MED12L: variants seen among roughly 807,000 people sequenced by gnomAD.
MED12L encodes the protein mediator of RNA polymerase II transcription subunit 12-like protein.
In MED12L, 60 loss-of-function variants were observed where a neutral mutation model predicts 281.3. The observed-to-expected ratio is 0.21, with a 90% CI of 0.17 to 0.26. The LOEUF (loss-of-function observed/expected upper bound fraction) is 0.26. MED12L is among the 10% of genes least tolerant of loss of function. The probability of loss-of-function intolerance (pLI) is 1.00; values close to 1 mark genes in which losing one functional copy is unlikely to be tolerated. For missense variants in MED12L, 2,146 were observed against 2,680.9 expected (o/e 0.80, Z 4.41); for synonymous variants, 974 against 987.2 (o/e 0.99, Z 0.25).
At chr3:151,417,487 C>CCCCCTTT (rs1717736742) in intron 43 of MED12L, among the ~76,000 whole-genome samples, 4 of 78,818 alleles carry the variant, frequency 5.1e-5, no homozygotes, top group African/African-American at 1.0e-4. Flanking sequence ...CCCCCCCCGC[C>CCCCCTTT]TTTTTTTTTT....
intron 39 of MED12L, among the ~76,000 whole-genome samples, chr3:151,396,226 C>T (rs1465641445): frequency 6.6e-6 from 1 of 152,074 alleles, no homozygotes; most frequent in Non-Finnish European, 1.5e-5. Context: ...TTTTGGGAAT[C>T]AGCAAAAATA....
Position 151,190,920 on chromosome 3 carries a change from G to A in MED12L, c.1957G>A (p.Val653Met), listed in dbSNP as rs778223811. The A allele has an allele frequency of 1.2e-6, 2 of 1,614,134 alleles. No individual in the cohort carries two copies. The highest frequency in any genetic ancestry group is 3.3e-5 in the Admixed American group (2 of 60,022). Residue 653 changes from valine to methionine, a missense_variant, in exon 14 of 45, where the codon GTG (valine) becomes ATG (methionine). Val to Met is a conservative substitution (Grantham distance 21, BLOSUM62 1). Around this residue, in one of 9 missense-constraint regions of MED12L, gnomAD observed 722 missense variants for 861.2 expected, o/e 0.84. Transcript: ENST00000687756. ...ADEHYSKDHD[V>M]KMEEQSIMAH... is the part of the protein sequence containing the mutation. Reference sequence around the variant, plus strand: ...TGAACACTATTCAAAGGACCATGATGTGAAAATGGAGGTATGGCCCTGGAT... The same window carrying A: ...TGAACACTATTCAAAGGACCATGATATGAAAATGGAGGTATGGCCCTGGAT...
chr3:151,425,465 A>G (rs1577624072), intron 43 of MED12L: 1 of 348,640 alleles, frequency 2.9e-6, no homozygotes, highest in Non-Finnish European at 5.7e-6. Context: ...CAGCAATGTG[A>G]TCATGGCTCA....
At chr3:151,257,670 G>A (rs1186004627) in intron 16 of MED12L, among the ~76,000 whole-genome samples, 1 of 152,202 alleles carries the variant, frequency 6.6e-6, no homozygotes, top group African/African-American at 2.4e-5. Flanking sequence ...TTTGCATTGT[G>A]TGGGCTTTCA....
chr3:151,417,482 C>T (rs934421236), intron 43 of MED12L, among the ~76,000 whole-genome samples: 14 of 99,726 alleles, frequency 1.4e-4, no homozygotes, highest in African/African-American at 3.9e-4. Context: ...CAGCTCCCCC[C>T]CCGCCTTTTT....
At chr3:151,148,463 T>G (rs1205383904) in intron 5 of MED12L, among the ~76,000 whole-genome samples, 1 of 152,244 alleles carries the variant, frequency 6.6e-6, no homozygotes, top group Non-Finnish European at 1.5e-5. Flanking sequence ...ATTTTTTCTC[T>G]CATTCAGTCT....
rs1755083058 is a variant in MED12L at position 151,364,901 on chromosome 3, A to G, written c.2958-78A>G. ...AATGCATTACAGTTCCTGCCATTTA[A>G]TATGTCCTTAAGTGAAATAGTTTTC... On this transcript the variant is annotated intron_variant, in intron 21 of 44. Coordinates refer to ENST00000687756, the MANE Select transcript of MED12L (RefSeq NM_001393769.1). 6.9e-6 allele frequency: 7 copies of G among 1,020,778 alleles called. No homozygotes were observed. The South Asian group carries it at 8.3e-5, about 12-fold the overall frequency. The allele number at this position is 1,020,778 out of a possible 1,614,324, so 63.2% of individuals were successfully genotyped here.
chr3:151,137,420 G>A (rs1418750922), intron 5 of MED12L, among the ~76,000 whole-genome samples: 4 of 152,090 alleles, frequency 2.6e-5, no homozygotes, highest in Non-Finnish European at 5.9e-5. Context: ...TCCTGCCTCA[G>A]ATCTCCAAAG....
Position 151,347,707 on chromosome 3 carries a change from G to A in MED12L, c.2251-2352G>A, listed in dbSNP as rs748541538. 1.1e-4 allele frequency among the ~76,000 whole-genome samples: 17 copies of A among 152,178 alleles called. No homozygotes were observed. In the South Asian group the frequency reaches 1.5e-3, roughly 13 times the overall value. ...TGTGGGGGATGTGCAGAGGAGGAGG[G>A]GAAGTCTAGCATGTGAATTAACAGT... On this transcript the variant is annotated intron_variant, in intron 16 of 44. Coordinates refer to ENST00000687756, the MANE Select transcript of MED12L (RefSeq NM_001393769.1).
intron 5 of MED12L, among the ~76,000 whole-genome samples, chr3:151,148,317 TTG>T (rs1718004453): frequency 6.6e-6 from 1 of 152,346 alleles, no homozygotes; most frequent in South Asian, 2.1e-4. Flanking sequence ...ACCCTGTTAA[TTG>T]TGTCTTTGAT....
chr3:151,122,681 A>G, intron 3 of MED12L, 102 bp from the exon 4 acceptor site: 1 of 796,456 alleles, frequency 1.3e-6, no homozygotes, highest in Non-Finnish European at 1.9e-6. Context: ...GATGGGATGT[A>G]TGAAGATTTT....
At position 151,382,638 on chromosome 3, in the gene MED12L, T is replaced by A. The variant is rs1346306027; in HGVS notation, c.4591-18T>A. On this transcript the variant is annotated intron_variant, in intron 32 of 44. Coordinates refer to ENST00000687756, the MANE Select transcript of MED12L (RefSeq NM_001393769.1). ...AGAAAAATTAAACTTTAATGGGGAG[T>A]TTTTTTCCGGATCTTAGATTTTAAG... The A allele has an allele frequency of 1.9e-6, 3 of 1,589,396 alleles. No individual in the cohort carries two copies. Among genetic ancestry groups the A allele is most frequent in the Non-Finnish European group, 2.6e-6 (3 of 1,166,418 alleles).
At chr3:151,087,713 T>C (rs939812715) in intron 2 of MED12L, among the ~76,000 whole-genome samples, 1 of 152,176 alleles carries the variant, frequency 6.6e-6, no homozygotes, top group African/African-American at 2.4e-5. Context: ...TTGAATGAGA[T>C]TAATTGGAGA....
At chr3:151,275,179 G>GT (rs1741637481) in intron 16 of MED12L, among the ~76,000 whole-genome samples, 1 of 152,132 alleles carries the variant, frequency 6.6e-6, no homozygotes, top group Non-Finnish European at 1.5e-5. Context: ...AATTGCGTGT[G>GT]TATGATCCTG....
chr3:151,372,825 TACTTAC>T (rs1560093346), intron 27 of MED12L, 59 bp downstream of exon 27: 1 of 1,355,054 alleles, frequency 7.4e-7, no homozygotes, highest in Non-Finnish European at 1.0e-6. Context: ...TGGAGAGAGC[TACTTAC>T]ACTTATAGGA....
At chr3:151,185,242 T>C (rs1360969501) in intron 11 of MED12L, 88 bp from the exon 12 acceptor site, 1 of 1,308,902 alleles carries the variant, frequency 7.6e-7, no homozygotes, top group African/African-American at 1.5e-5. Context: ...AGCTTTAAAG[T>C]GTTAGATATT....
rs914912982 is a variant in MED12L, at chr3:151,434,782, A to C, written c.*1978A>C. Reference sequence around the variant, plus strand: ...TAGCTCAGCATTGCAAACAACAGTAATACTGTTTTAAGAATGAGTGTTATA... The same window carrying C: ...TAGCTCAGCATTGCAAACAACAGTACTACTGTTTTAAGAATGAGTGTTATA... On this transcript the variant is annotated 3_prime_UTR_variant, in exon 45 of 45. Transcript: ENST00000687756. The C allele has an allele frequency of 1.3e-5, 2 of 152,218 alleles. No individual in the cohort carries two copies. The highest frequency in any genetic ancestry group is 4.8e-5 in the African/African-American group (2 of 41,458). 9.4% of individuals were successfully genotyped at this position (152,218 alleles called of 1,614,324 possible).
At position 151,115,327 on chromosome 3, in the gene MED12L, CTTTTTTTTTTTTTTTTTTTTTTTT is replaced by C. The variant is rs66728754; in HGVS notation, c.100-995_100-972del. Among the ~76,000 whole-genome samples the C allele has an allele frequency of 1.4e-3, 86 of 60,804 alleles. 2 individuals carry two copies. The highest frequency in any genetic ancestry group is 0.011 in the South Asian group (16 of 1,512). 39.9% of individuals were successfully genotyped at this position (60,804 alleles called of 152,430 possible). A position where few individuals can be genotyped will look rare whatever the true frequency, so the allele number is the denominator to read the frequency against. On this transcript the variant is annotated intron_variant, in intron 2 of 44. Transcript: ENST00000687756. ...AACTGTGGGCTCTCTGGAAACAATT[CTTTTTTTTTTTTTTTTTTTTTTTT>C]TTTTTTTTTTTTTTTGAGATGGAGT...
chr3:151,120,246 A>G (rs904212977), intron 3 of MED12L, among the ~76,000 whole-genome samples: 2 of 151,676 alleles, frequency 1.3e-5, no homozygotes, highest in African/African-American at 4.8e-5. Flanking sequence ...AAAACGAAAA[A>G]CCAAAAACAA....
Sources: gnomAD v4.1 joint callset for allele counts (sites outside exome capture counted in the v4.1 genomes callset) on GRCh38, gnomAD v4.1.1 for gene constraint, gnomAD v4.1.1 regional missense constraint, MANE v1.5 for transcripts, NCBI Gene and HGNC (gene_info 2026-07-23, HGNC 2026-07-21) for gene names.